SH3BGRL: variants seen among roughly 807,000 people sequenced by gnomAD.
SH3BGRL encodes the protein adapter SH3BGRL.
In SH3BGRL, 7 loss-of-function variants were observed where a neutral mutation model predicts 9.8. The ratio of observed to expected loss-of-function variants is 0.72; its 90% CI spans 0.41 to 1.35. SH3BGRL has a LOEUF of 1.35. Ranked by LOEUF, SH3BGRL falls within the 40% of genes most tolerant of loss-of-function variation. The pLI is 0.01. For synonymous variants in SH3BGRL, 36 were observed against 29.1 expected (o/e 1.24, Z -0.76); for missense variants, 73 against 84.4 (o/e 0.86, Z 0.53).
At chrX:81,210,020 A>G (rs1047728283) in intron 1 of SH3BGRL, among the ~76,000 whole-genome samples, 1 of 111,442 alleles carries the variant, frequency 9.0e-6, no homozygotes, top group Non-Finnish European at 1.9e-5. Context: ...CAGTACTGCT[A>G]TAACTTGTAA....
chrX:81,290,720 A>G (rs1243407888), intron 3 of SH3BGRL, among the ~76,000 whole-genome samples: 1 of 111,293 alleles, frequency 9.0e-6, no homozygotes, highest in East Asian at 2.8e-4. Context: ...AACTAATAAT[A>G]TAATAATTAT....
At chrX:81,264,618 GGCAACTCTA>G (rs1437284187) in intron 1 of SH3BGRL, among the ~76,000 whole-genome samples, 1 of 109,599 alleles carries the variant, frequency 9.1e-6, no homozygotes, top group African/African-American at 3.3e-5. Flanking sequence ...TATATATAGG[GGCAACTCTA>G]GGCAAAATTC....
intron 3 of SH3BGRL, among the ~76,000 whole-genome samples, chrX:81,287,157 G>A (rs767190986): frequency 1.4e-4 from 16 of 111,114 alleles, no homozygotes; most frequent in East Asian, 1.4e-3. Flanking sequence ...GTTACAAATC[G>A]AAATGAAGAA....
At chrX:81,256,002 G>A (rs1193427277) in intron 1 of SH3BGRL, among the ~76,000 whole-genome samples, 1 of 111,800 alleles carries the variant, frequency 8.9e-6, no homozygotes, top group Non-Finnish European at 1.9e-5. Context: ...TGTTTCTATG[G>A]GTATTATTAG....
At position 81,297,459 on chromosome X, in the gene SH3BGRL, G is replaced by A. The variant is rs770476824; in HGVS notation, c.*232G>A. On this transcript the variant is annotated 3_prime_UTR_variant, in exon 4 of 4. Transcript: ENST00000373212. ...AAAATTATATTAATAAGTAGATATC[G>A]TAGAAATAGTGTTGTTACCTGCCAA... 115 of 303,765 alleles carry A rather than the reference G, an allele frequency of 3.8e-4. No individual in the cohort carries two copies. The South Asian group carries it at 5.8e-3, about 15-fold the overall frequency. 25.0% of individuals were successfully genotyped at this position (303,765 alleles called of 1,213,427 possible). A position where few individuals can be genotyped will look rare whatever the true frequency, so the allele number is the denominator to read the frequency against.
rs372347695 is a variant in SH3BGRL at position 81,288,899 on chromosome X, G to C, written c.313-8296G>C. On this transcript the variant is annotated intron_variant, in intron 3 of 3. Transcript: ENST00000373212. The stretch of plus-strand genomic sequence containing the variant: ...ATTCAATTAATATAAAAATATCAAT[G>C]ACATTCTTCACAGAAATAAAAAAAA... 8.1e-5 allele frequency among the ~76,000 whole-genome samples: 9 copies of C among 111,120 alleles called. No individual in the cohort carries two copies. In the East Asian group the frequency reaches 2.5e-3, roughly 31 times the overall value.
intron 3 of SH3BGRL, among the ~76,000 whole-genome samples, chrX:81,280,109 C>A (rs998724299): frequency 7.2e-5 from 8 of 110,388 alleles, no homozygotes; most frequent in Non-Finnish European, 1.3e-4. Context: ...AGGAAGCCAT[C>A]CTAGGTATAG....
chrX:81,207,556 CTCTG>C (rs2075551208), intron 1 of SH3BGRL, among the ~76,000 whole-genome samples: 1 of 112,213 alleles, frequency 8.9e-6, no homozygotes, highest in Non-Finnish European at 1.9e-5. Context: ...TGTTTTGCTG[CTCTG>C]TCTGTATTTA....
chrX:81,295,523 C>A lies in SH3BGRL; in HGVS notation c.313-1672C>A, dbSNP rs141432260. Among the ~76,000 whole-genome samples the A allele has an allele frequency of 2.2e-3, 250 of 111,509 alleles. 1 individual carries two copies. The highest frequency in any genetic ancestry group is 7.9e-3 in the African/African-American group (242 of 30,687). On this transcript the variant is annotated intron_variant, in intron 3 of 3. Transcript: ENST00000373212. ...TGTAAGTCCAATTAAACCTCTTTTT[C>A]TCCCTCGTCTTGGGTATGTCTTTAT...
chrX:81,267,589 T>A (rs1296443005), intron 1 of SH3BGRL, among the ~76,000 whole-genome samples: 1 of 111,647 alleles, frequency 9.0e-6, no homozygotes, highest in Non-Finnish European at 1.9e-5. Flanking sequence ...CTTTTTGATG[T>A]GCTGCTGGAT....
At chrX:81,231,610 G>A (rs1311597570) in intron 1 of SH3BGRL, among the ~76,000 whole-genome samples, 2 of 111,741 alleles carry the variant, frequency 1.8e-5, no homozygotes, top group African/African-American at 6.5e-5. Context: ...TTAGAAGGAG[G>A]GTTCCTAACT....
chrX:81,279,694 C>G (rs1261284520), intron 3 of SH3BGRL, among the ~76,000 whole-genome samples: 1 of 111,120 alleles, frequency 9.0e-6, no homozygotes, highest in Non-Finnish European at 1.9e-5. Context: ...CTCGCTGGGT[C>G]CCCAGGCAGC....
intron 1 of SH3BGRL, among the ~76,000 whole-genome samples, chrX:81,257,077 G>T (rs764211771): frequency 3.0e-5 from 3 of 98,529 alleles, no homozygotes; most frequent in South Asian, 1.1e-3. Flanking sequence ...TAGAATACCC[G>T]CTATGGGTCA....
intron 1 of SH3BGRL, among the ~76,000 whole-genome samples, chrX:81,240,006 A>C (rs754878271): frequency 5.3e-5 from 6 of 112,439 alleles, no homozygotes; most frequent in Non-Finnish European, 1.1e-4. Context: ...TTGTCCTACA[A>C]GAAATGCTAA....
chrX:81,234,074 C>T (rs1054820465), intron 1 of SH3BGRL, among the ~76,000 whole-genome samples: 1 of 111,575 alleles, frequency 9.0e-6, no homozygotes, highest in African/African-American at 3.3e-5. Flanking sequence ...ATATTTACCT[C>T]TACTCTCTAG....
chrX:81,241,166 G>A lies in SH3BGRL; in HGVS notation c.46-35818G>A, dbSNP rs770511377. 3.7e-4 allele frequency among the ~76,000 whole-genome samples: 41 copies of A among 112,183 alleles called. 1 individual carries two copies. Among genetic ancestry groups the A allele is most frequent in the South Asian group, 7.4e-4 (2 of 2,711 alleles). ...AACTGGGTGTGTGCATGATTGGGGC[G>A]GTGCTGACACAGCAGACCCTGCTGC... On this transcript the variant is annotated intron_variant, in intron 1 of 3. Coordinates refer to ENST00000373212, the MANE Select transcript of SH3BGRL (RefSeq NM_003022.3).
At position 81,230,166 on chromosome X, in the gene SH3BGRL, A is replaced by G. The variant is rs188517709; in HGVS notation, c.45+27921A>G. On this transcript the variant is annotated intron_variant, in intron 1 of 3. Coordinates refer to ENST00000373212, the MANE Select transcript of SH3BGRL (RefSeq NM_003022.3). Reference sequence around the variant, plus strand: ...AAGTTGTCATAGTGAAAGAGATTATATATTCATTATTCAGTTATTCATCAA... The same window carrying G: ...AAGTTGTCATAGTGAAAGAGATTATGTATTCATTATTCAGTTATTCATCAA... 1.0e-3 allele frequency among the ~76,000 whole-genome samples: 116 copies of G among 111,999 alleles called. 1 individual carries two copies. Among genetic ancestry groups the G allele is most frequent in the African/African-American group, 3.7e-3 (113 of 30,828 alleles).
chrX:81,264,775 G>A (rs1169804951), intron 1 of SH3BGRL, among the ~76,000 whole-genome samples: 1 of 110,586 alleles, frequency 9.0e-6, no homozygotes, highest in Non-Finnish European at 1.9e-5. Context: ...TTCAGGCACC[G>A]AGAGTAGAAT....
chrX:81,241,371 C>T (rs993574345), intron 1 of SH3BGRL, among the ~76,000 whole-genome samples: 2 of 112,221 alleles, frequency 1.8e-5, no homozygotes, highest in Non-Finnish European at 3.8e-5. Flanking sequence ...ACCCCACCTT[C>T]AAGACAGATA....
Sources: allele counts gnomAD v4.1 joint callset (sites outside exome capture counted in the v4.1 genomes callset), GRCh38; gene constraint gnomAD v4.1.1; transcripts MANE v1.5; gene names NCBI Gene and HGNC (gene_info 2026-07-23, HGNC 2026-07-21).